Variants in ZFP14 observed in about 807,000 individuals in gnomAD.
ZFP14 encodes ZFP14 zinc finger protein, also known as zinc finger protein 14 homolog.
Under a neutral mutation model 54.5 loss-of-function variants are expected in ZFP14, and 22 were observed. That is an observed-to-expected ratio of 0.40 (90% CI 0.29 to 0.58). The LOEUF is 0.58. Among genes scored for constraint, ZFP14 ranks in the 20% least tolerant of loss-of-function variants. The pLI is 0.39. For synonymous variants in ZFP14, 159 were observed against 204.0 expected, an observed-to-expected ratio of 0.78 and a Z score of 1.88; for missense variants, 470 against 637.8, an observed-to-expected ratio of 0.74 and a Z score of 2.83.
chr19:36,363,198 T>C (rs1000422334), intron 2 of ZFP14, among the ~76,000 whole-genome samples: 4 of 140,744 alleles, frequency 2.8e-5, no homozygotes, highest in East Asian at 2.0e-4. Context: ...TCTTTTTTTT[T>C]TTTTTTTTTT....
Position 36,339,534 on chromosome 19 carries a change from C to T in ZFP14, c.*690G>A, listed in dbSNP as rs2031269684. On this transcript the variant is annotated 3_prime_UTR_variant, in exon 5 of 5. Transcript: ENST00000270001. ...CCATCTTGCTAGCAGACTGTCCTCC[C>T]TTTTGGCTTGCATGCCTTGATGAAG... is the stretch of plus-strand genomic sequence containing the variant. The T allele has an allele frequency of 6.6e-6, 1 of 152,200 alleles. No homozygotes were observed. The highest frequency in any genetic ancestry group is 2.4e-5 in the African/African-American group (1 of 41,440). 9.4% of individuals were successfully genotyped at this position (152,200 alleles called of 1,614,324 possible). A position where few individuals can be genotyped will look rare whatever the true frequency, so the allele number is the denominator to read the frequency against.
intron 4 of ZFP14, among the ~76,000 whole-genome samples, chr19:36,342,178 T>C: frequency 1.7e-5 from 1 of 57,678 alleles, no homozygotes; most frequent in South Asian, 5.8e-4. Context: ...TCTATGCCTT[T>C]TTTTTTTTTT....
intron 1 of ZFP14, among the ~76,000 whole-genome samples, chr19:36,373,339 G>T (rs995158961): frequency 2.6e-5 from 4 of 151,302 alleles, no homozygotes; most frequent in Non-Finnish European, 5.9e-5. Flanking sequence ...TAATCTCATA[G>T]AAGTAGAGAG....
At chr19:36,356,504 C>G (rs2031616532) in intron 4 of ZFP14, among the ~76,000 whole-genome samples, 1 of 152,004 alleles carries the variant, frequency 6.6e-6, no homozygotes. Context: ...TATGTGCACT[C>G]ATGTGTGTTT....
chr19:36,377,106 C>A (rs574213317), intron 1 of ZFP14, among the ~76,000 whole-genome samples: 2 of 152,158 alleles, frequency 1.3e-5, no homozygotes, highest in African/African-American at 4.8e-5. Flanking sequence ...AAAACCCCAT[C>A]GTATTGTCAC....
intron 1 of ZFP14, among the ~76,000 whole-genome samples, chr19:36,377,095 A>T (rs1418299347): frequency 1.3e-5 from 2 of 152,152 alleles, no homozygotes; most frequent in Non-Finnish European, 2.9e-5. Flanking sequence ...CCTCTCCACT[A>T]AAAACCCCAT....
At chr19:36,366,996 A>T (rs1168806709) in intron 2 of ZFP14, among the ~76,000 whole-genome samples, 1 of 152,062 alleles carries the variant, frequency 6.6e-6, no homozygotes, top group Non-Finnish European at 1.5e-5. Flanking sequence ...TCTACTAAAA[A>T]TGCAAAAATT....
intron 1 of ZFP14, among the ~76,000 whole-genome samples, chr19:36,369,317 C>T (rs1187736172): frequency 1.3e-5 from 2 of 152,114 alleles, no homozygotes; most frequent in African/African-American, 2.4e-5. Context: ...AAACTAATGC[C>T]CAGGGGTCAA....
rs775795403 is a variant in ZFP14, at chr19:36,337,498, A to C, written c.*2726T>G. 8 of 152,262 alleles carry C rather than the reference A, an allele frequency of 5.3e-5. No individual in the cohort carries two copies. Among genetic ancestry groups the C allele is most frequent in the Non-Finnish European group, 1.0e-4 (7 of 68,034 alleles). 9.4% of individuals were successfully genotyped at this position (152,262 alleles called of 1,614,324 possible). On this transcript the variant is annotated 3_prime_UTR_variant, in exon 5 of 5. Coordinates refer to ENST00000270001, the MANE Select transcript of ZFP14 (RefSeq NM_020917.3). ...TAGTATTTACATTGTGATAGGTATA[A>C]GTGATCTAAAGATAATTTAAAGTAT...
At chr19:36,350,214 A>G (rs1332574682) in intron 4 of ZFP14, among the ~76,000 whole-genome samples, 1 of 143,408 alleles carries the variant, frequency 7.0e-6, no homozygotes, top group African/African-American at 2.6e-5. Flanking sequence ...TAACTCACAC[A>G]GAGAAAAGAA....
At chr19:36,346,030 T>C (rs1600068432) in intron 4 of ZFP14, among the ~76,000 whole-genome samples, 1 of 152,138 alleles carries the variant, frequency 6.6e-6, no homozygotes, top group African/African-American at 2.4e-5. Context: ...CGATGACTCA[T>C]GCCTGTAAAC....
At chr19:36,352,585 C>T (rs1295543421) in intron 4 of ZFP14, among the ~76,000 whole-genome samples, 1 of 142,550 alleles carries the variant, frequency 7.0e-6, no homozygotes, top group Admixed American at 7.2e-5. Context: ...TCCCTTGAGG[C>T]CAGGAGTTTT....
At chr19:36,352,039 C>CG (rs2031535278) in intron 4 of ZFP14, among the ~76,000 whole-genome samples, 2 of 141,022 alleles carry the variant, frequency 1.4e-5, no homozygotes, top group Non-Finnish European at 3.1e-5. Flanking sequence ...AAAAAATTAG[C>CG]GGGGCGTGGT....
At chr19:36,368,408 C>A (rs913270377) in intron 1 of ZFP14, among the ~76,000 whole-genome samples, 1 of 152,110 alleles carries the variant, frequency 6.6e-6, no homozygotes. Flanking sequence ...GCGGAGGTTG[C>A]GGTGAGCTGA....
chr19:36,376,734 T>C (rs1272293801), intron 1 of ZFP14, among the ~76,000 whole-genome samples: 1 of 152,146 alleles, frequency 6.6e-6, no homozygotes. Context: ...TGTGCACTTA[T>C]TATGTGCCAA....
chr19:36,347,990 G>A (rs2031449945), intron 4 of ZFP14, among the ~76,000 whole-genome samples: 1 of 151,984 alleles, frequency 6.6e-6, no homozygotes, highest in East Asian at 1.9e-4. Flanking sequence ...CCCGGGAGGT[G>A]GAGGTTGAGG....
At chr19:36,346,817 C>A (rs1340108424) in intron 4 of ZFP14, among the ~76,000 whole-genome samples, 2 of 152,164 alleles carry the variant, frequency 1.3e-5, no homozygotes, top group Non-Finnish European at 2.9e-5. Flanking sequence ...TCTGGGATAT[C>A]TTTTCAAGAA....
chr19:36,346,746 G>A (rs2031422825), intron 4 of ZFP14, among the ~76,000 whole-genome samples: 1 of 152,192 alleles, frequency 6.6e-6, no homozygotes, highest in Non-Finnish European at 1.5e-5. Context: ...GTAAGCCACT[G>A]CGCCCAGCCG....
rs778200554 is a variant in ZFP14 at position 36,354,234 on chromosome 19, G to A, written c.235+6201C>T. Among the ~76,000 whole-genome samples the A allele has an allele frequency of 3.2e-4, 45 of 139,692 alleles. 5 individuals are homozygous for A. The highest frequency in any genetic ancestry group is 9.2e-4 in the South Asian group (4 of 4,330). The allele number at this position is 139,692 out of a possible 152,430, so 91.6% of individuals were successfully genotyped here. A position where few individuals can be genotyped will look rare whatever the true frequency, so the allele number is the denominator to read the frequency against. On this transcript the variant is annotated intron_variant, in intron 4 of 4. Coordinates refer to ENST00000270001, the MANE Select transcript of ZFP14 (RefSeq NM_020917.3). ...AAAAATACAAAAATTAGCCAAGCAC[G>A]GTGGTGGGCACCTGTAATCCCAGCT...
Sources: allele counts gnomAD v4.1 joint callset (sites outside exome capture counted in the v4.1 genomes callset), GRCh38; gene constraint gnomAD v4.1.1; transcripts MANE v1.5; gene names NCBI Gene and HGNC (gene_info 2026-07-23, HGNC 2026-07-21).